Variants in LHFPL6 observed in about 807,000 individuals in gnomAD.
LHFPL6 encodes LHFPL tetraspan subfamily member 6 protein.
Under a neutral mutation model 20.6 loss-of-function variants are expected in LHFPL6, and 9 were observed. The observed-to-expected ratio is 0.44, with a 90% CI of 0.26 to 0.76. The LOEUF is 0.76. Ranked by LOEUF, LHFPL6 falls within the 30% of genes least tolerant of loss-of-function variation. The pLI is 0.20. For missense variants in LHFPL6, 218 were observed against 253.5 expected (o/e 0.86, Z 0.95); for synonymous variants, 105 against 98.7 (o/e 1.06, Z -0.38).
At chr13:39,591,143 A>C (rs1872578977) in intron 2 of LHFPL6, among the ~76,000 whole-genome samples, 1 of 152,238 alleles carries the variant, frequency 6.6e-6, no homozygotes. Flanking sequence ...TTACTTCAAA[A>C]ATACAAAGTT....
intron 2 of LHFPL6, among the ~76,000 whole-genome samples, chr13:39,590,394 C>G (rs1872560321): frequency 1.3e-5 from 2 of 152,220 alleles, no homozygotes; most frequent in Admixed American, 1.3e-4. Flanking sequence ...GCTTCTCAAA[C>G]ATACTTGTCC....
intron 2 of LHFPL6, among the ~76,000 whole-genome samples, chr13:39,549,887 A>C (rs1402892529): frequency 6.6e-6 from 1 of 152,086 alleles, no homozygotes; most frequent in African/African-American, 2.4e-5. Flanking sequence ...TGAATCTCAA[A>C]TGCATCATCC....
At chr13:39,563,180 T>C (rs1280725676) in intron 2 of LHFPL6, among the ~76,000 whole-genome samples, 5 of 150,576 alleles carry the variant, frequency 3.3e-5, no homozygotes, top group African/African-American at 9.8e-5. Flanking sequence ...ATGTTAAAAA[T>C]GTCTTTTTAA....
intron 2 of LHFPL6, among the ~76,000 whole-genome samples, chr13:39,596,496 T>G (rs1593378970): frequency 6.6e-6 from 1 of 152,126 alleles, no homozygotes; most frequent in South Asian, 2.1e-4. Flanking sequence ...AATTCTGCAA[T>G]CCGTGTTTTA....
intron 2 of LHFPL6, among the ~76,000 whole-genome samples, chr13:39,489,540 G>A (rs977348068): frequency 7.9e-6 from 1 of 126,980 alleles, no homozygotes; most frequent in African/African-American, 3.0e-5. Context: ...GAATGGAGAA[G>A]TATGCTGTGG....
At chr13:39,588,865 C>T (rs1593375847) in intron 2 of LHFPL6, among the ~76,000 whole-genome samples, 1 of 152,166 alleles carries the variant, frequency 6.6e-6, no homozygotes, top group African/African-American at 2.4e-5. Flanking sequence ...TATAAGTCAT[C>T]GTTCCTACCC....
intron 3 of LHFPL6, among the ~76,000 whole-genome samples, chr13:39,377,100 G>A (rs867801861): frequency 2.6e-5 from 4 of 152,188 alleles, no homozygotes; most frequent in African/African-American, 9.7e-5. Context: ...AGGACACAGA[G>A]AGGAGTCTGA....
chr13:39,424,184 C>T (rs1304176613), intron 2 of LHFPL6, among the ~76,000 whole-genome samples: 1 of 152,056 alleles, frequency 6.6e-6, no homozygotes, highest in Admixed American at 6.6e-5. Flanking sequence ...AAGTGTAACC[C>T]AAATACTGTG....
At chr13:39,425,760 C>T (rs528961111) in intron 2 of LHFPL6, among the ~76,000 whole-genome samples, 22 of 152,220 alleles carry the variant, frequency 1.4e-4, no homozygotes, top group Admixed American at 5.2e-4. Flanking sequence ...TATATTCTGA[C>T]GCAAGTCCTT....
At chr13:39,424,249 A>T (rs1871580712) in intron 2 of LHFPL6, among the ~76,000 whole-genome samples, 1 of 152,254 alleles carries the variant, frequency 6.6e-6, no homozygotes, top group Non-Finnish European at 1.5e-5. Context: ...CTGGAAAGTC[A>T]ATGAAAATTA....
chr13:39,522,326 A>AGT (rs1392577499), intron 2 of LHFPL6, among the ~76,000 whole-genome samples: 2 of 152,256 alleles, frequency 1.3e-5, no homozygotes, highest in African/African-American at 2.4e-5. Flanking sequence ...TTACACAGCT[A>AGT]GTAAGTGGCA....
Position 39,364,706 on chromosome 13 carries a change from C to CATA in LHFPL6, c.484+13721_484+13722insTAT, listed in dbSNP as rs1566094437. Reference sequence around the variant, plus strand: ...TTCTGGGATACACGTGCAGAACATGCGGATTTGTTGCATAGGTATACATGT... The same window carrying CATA: ...TTCTGGGATACACGTGCAGAACATGCATAGGATTTGTTGCATAGGTATACATGT... On this transcript the variant is annotated intron_variant, in intron 3 of 3. Transcript: ENST00000379589. 3.4e-4 allele frequency among the ~76,000 whole-genome samples: 51 copies of CATA among 152,060 alleles called. No individual in the cohort carries two copies. In the East Asian group the frequency reaches 9.9e-3, roughly 29 times the overall value.
chr13:39,351,713 C>T (rs75684261), intron 3 of LHFPL6, among the ~76,000 whole-genome samples: 9,172 of 152,162 alleles, frequency 0.06, 448 homozygotes, highest in South Asian at 0.22. Context: ...CTTAGGAGTA[C>T]GCACCCGTAA....
intron 2 of LHFPL6, among the ~76,000 whole-genome samples, chr13:39,419,886 G>C (rs796577961): frequency 6.6e-6 from 1 of 152,072 alleles, no homozygotes; most frequent in African/African-American, 2.4e-5. Flanking sequence ...AAAAATCCAA[G>C]TACTTTTTAT....
chr13:39,582,731 A>G lies in LHFPL6; in HGVS notation c.385+18101T>C, dbSNP rs145483356. ...TTACCCAATATGTGTATCTTACAGG[A>G]TCTTGAGGATATCAACCAAACAGCA... is the stretch of plus-strand genomic sequence containing the variant. On this transcript the variant is annotated intron_variant, in intron 2 of 3. Coordinates refer to ENST00000379589, the MANE Select transcript of LHFPL6 (RefSeq NM_005780.3). Among the ~76,000 whole-genome samples the G allele has an allele frequency of 7.4e-3, 1,121 of 152,270 alleles. 13 individuals are homozygous for G. Among genetic ancestry groups the G allele is most frequent in the African/African-American group, 0.026 (1,059 of 41,526 alleles).
chr13:39,381,486 A>C, intron 2 of LHFPL6, among the ~76,000 whole-genome samples: 1 of 150,608 alleles, frequency 6.6e-6, no homozygotes, highest in African/African-American at 2.4e-5. Flanking sequence ...TCATTCCTTC[A>C]CTCTCTAGAT....
At chr13:39,533,666 T>C (rs1396195186) in intron 2 of LHFPL6, among the ~76,000 whole-genome samples, 1 of 152,186 alleles carries the variant, frequency 6.6e-6, no homozygotes, top group African/African-American at 2.4e-5. Flanking sequence ...CTGGAGTCCA[T>C]GCCAAGAACA....
chr13:39,574,309 C>T (rs545883332), intron 2 of LHFPL6, among the ~76,000 whole-genome samples: 75 of 151,960 alleles, frequency 4.9e-4, no homozygotes, highest in Non-Finnish European at 9.1e-4. Flanking sequence ...GGTGAAACCC[C>T]GTCTCTACTA....
At chr13:39,459,104 T>A (rs1004652775) in intron 2 of LHFPL6, among the ~76,000 whole-genome samples, 1 of 152,028 alleles carries the variant, frequency 6.6e-6, no homozygotes. Context: ...CTTCCCACTA[T>A]GAAGCACAGG....
Sources: allele counts gnomAD v4.1 joint callset (sites outside exome capture counted in the v4.1 genomes callset), GRCh38; gene constraint gnomAD v4.1.1; transcripts MANE v1.5; gene names NCBI Gene and HGNC (gene_info 2026-07-23, HGNC 2026-07-21).